Variants in PLEC observed in about 807,000 individuals in gnomAD.
The protein encoded by PLEC is plectin.
A neutral mutation model predicts 392.8 loss-of-function variants in PLEC; 216 were observed. That is an observed-to-expected ratio of 0.55 (90% CI 0.49 to 0.62). The LOEUF (loss-of-function observed/expected upper bound fraction) is 0.62, where lower values mean the gene tolerates loss of function less well. Among genes scored for constraint, PLEC ranks in the 20% least tolerant of loss-of-function variants. The pLI is 0.00. For synonymous variants in PLEC, 3,621 were observed against 2,980.6 expected (o/e 1.21, Z -7.00); for missense variants, 6,863 against 6,563.4 (o/e 1.05, Z -1.58).
At position 143,919,258 on chromosome 8, in the gene PLEC, G is replaced by C. The variant is rs782298591; in HGVS notation, c.10563C>G (p.Leu3521=). 8 of 1,614,054 alleles carry C rather than the reference G, an allele frequency of 5.0e-6. No homozygotes were observed. The South Asian group carries it at 8.8e-5, about 18-fold the overall frequency. The stretch of plus-strand genomic sequence containing the variant: ...ACCGCTCCAGCAGCTGCCTGTACGT[G>C]AGGTTCTCATGCGTGTTGGGGTCAA... ...GFFDPNTHEN[L]TYRQLLERCV... Residue 3521 remains leucine (L), a synonymous_variant, in exon 32 of 32, where the codon CTC becomes CTG. Coordinates refer to ENST00000345136, the MANE Select transcript of PLEC (RefSeq NM_201384.3).
In PLEC at chr8:143,939,483, C is replaced by T. The variant is rs781955956; in HGVS notation, c.-22G>A. The T allele has an allele frequency of 1.2e-6, 2 of 1,601,478 alleles. No homozygotes were observed. The highest frequency in any genetic ancestry group is 1.1e-5 in the South Asian group (1 of 89,208). ...ACATGCTGCCCCCACACCTTCGTCG[C>T]CCGGACCCTCGGCCTCAGGCACGGT... On this transcript the variant is annotated 5_prime_UTR_variant, in exon 1 of 32. Transcript: ENST00000345136.
At position 143,932,698 on chromosome 8, in the gene PLEC, G is replaced by C; in HGVS notation, c.1752C>G (p.Pro584=). The change falls in exon 15 of 32, where the codon CCC becomes CCG. Residue 584 remains proline, a synonymous_variant. Coordinates refer to ENST00000345136, the MANE Select transcript of PLEC (RefSeq NM_201384.3). ...AGTCACGGTAGGCACCCCGGGTGGC[G>C]GGGGAGAGCTGGCCCTGCAACAGAT... ...RARSDEGQLS[P]ATRGAYRDCL... is the part of the protein sequence containing the mutation. The C allele has an allele frequency of 2.5e-6, 4 of 1,606,976 alleles. No individual in the cohort carries two copies. Among genetic ancestry groups the C allele is most frequent in the Non-Finnish European group, 3.4e-6 (4 of 1,177,384 alleles).
At chr8:143,929,883 A>G in intron 22 of PLEC, 53 bp downstream of exon 22, 1 of 1,602,404 alleles carries the variant, frequency 6.2e-7, no homozygotes, top group Non-Finnish European at 8.5e-7. Flanking sequence ...GCCCTGCACA[A>G]CGCCTCTCCC....
At chr8:143,973,626 G>T, upstream of PLEC, 1 of 742,776 alleles carries the variant, frequency 1.3e-6, no homozygotes, top group Non-Finnish European at 1.6e-6. This position sits in a 1 kb window ranked among gnomAD's most constrained non-coding sequence, Gnocchi z 5.6. Context: ...GGCGGGGCCG[G>T]GGCCGCCGCG....
Position 143,921,012 on chromosome 8 carries a change from G to C in PLEC, c.8809C>G (p.Gln2937Glu). The change falls in exon 32 of 32, where the codon CAG becomes GAG. Residue 2937 changes from glutamine (Q) to glutamate (E), a missense_variant. Physicochemically the swap from Gln to Glu is conservative, Grantham distance 29 (BLOSUM62 2). Transcript: ENST00000345136. Reference sequence around the variant, plus strand: ...AACTGCCGCAGCAGGTCCCGCCGCTGCTCTGCCGTGAAGTATTCCGAGTTG... The same window carrying C: ...AACTGCCGCAGCAGGTCCCGCCGCTCCTCTGCCGTGAAGTATTCCGAGTTG... ...IINSEYFTAE[Q>E]RRDLLRQFRT... 1 of 1,613,184 alleles carries C rather than the reference G, an allele frequency of 6.2e-7. No homozygotes were observed. Among genetic ancestry groups the C allele is most frequent in the South Asian group, 1.1e-5 (1 of 91,090 alleles).
At chr8:143,950,907 G>A (rs1347903260), upstream of PLEC, 28 of 1,132,000 alleles carry the variant, frequency 2.5e-5, no homozygotes, top group South Asian at 9.9e-5. Context: ...GCCTGGCTCC[G>A]TGCAATCCCT....
rs1215402305 is a variant in PLEC at position 143,915,616 on chromosome 8, A to T, written c.*561T>A. The T allele has an allele frequency of 6.6e-6, 1 of 152,584 alleles. No individual in the cohort carries two copies. The highest frequency in any genetic ancestry group is 1.5e-5 in the Non-Finnish European group (1 of 68,250). The allele number at this position is 152,584 out of a possible 1,614,324, so 9.5% of individuals were successfully genotyped here. On this transcript the variant is annotated 3_prime_UTR_variant, in exon 32 of 32. Transcript: ENST00000345136. ...AGGCTGGAGGCTGACGCCGGAGGCCAGGGGTCTCAGGAGTGAGTGTGGGGG... is the reference window on the plus strand; with the variant it reads ...AGGCTGGAGGCTGACGCCGGAGGCCTGGGGTCTCAGGAGTGAGTGTGGGGG...
rs1554710147 is a variant in PLEC at position 143,929,100 on chromosome 8, C to T, written c.3260+3G>A. 6.4e-7 allele frequency: 1 copy of T among 1,569,124 alleles called. No homozygotes were observed. Among genetic ancestry groups the T allele is most frequent in the Non-Finnish European group, 8.6e-7 (1 of 1,157,612 alleles). On this transcript the variant is annotated splice_donor_region_variant and intron_variant, in intron 25 of 31. Coordinates refer to ENST00000345136, the MANE Select transcript of PLEC (RefSeq NM_201384.3). ...CCCCTCGCCTGTGGCCAGGTGCACT[C>T]ACTTCTCCAGGTAGATGGCAGACAG... is the stretch of plus-strand genomic sequence containing the variant.
rs533113908 is a variant in PLEC at position 143,916,008 on chromosome 8, A to G, written c.*169T>C. ...GGCTGGGCCAGCCCTGTCCCCCAAG[A>G]TACAGGCTGTCTGGACAGCAGATAT... On this transcript the variant is annotated 3_prime_UTR_variant, in exon 32 of 32. Transcript: ENST00000345136. 1 of 531,764 alleles carries G rather than the reference A, an allele frequency of 1.9e-6. No individual in the cohort carries two copies. The highest frequency in any genetic ancestry group is 2.6e-5 in the South Asian group (1 of 38,520). 32.9% of individuals were successfully genotyped at this position (531,764 alleles called of 1,614,324 possible).
chr8:143,928,105 C>T (rs1825895516), intron 25 of PLEC, 113 bp from the exon 26 acceptor site: 3 of 1,347,662 alleles, frequency 2.2e-6, no homozygotes, highest in African/African-American at 2.9e-5. Flanking sequence ...CAGACCCAAC[C>T]CTGGGGGTCA....
At chr8:143,944,041 G>C (rs1208488727), upstream of PLEC, 4 of 1,231,788 alleles carry the variant, frequency 3.2e-6, no homozygotes, top group Non-Finnish European at 4.4e-6. Context: ...ATACGCGGCG[G>C]CAGCCCCACA....
In PLEC at chr8:143,917,362, T is replaced by C; in HGVS notation, c.12459A>G (p.Ser4153=). 6.2e-7 allele frequency: 1 copy of C among 1,610,620 alleles called. No homozygotes were observed. The highest frequency in any genetic ancestry group is 8.5e-7 in the Non-Finnish European group (1 of 1,179,960). ...GGCCCTTGCGGTAGGCCTCGTACAC[T>C]GACATCTCCTTGCCCGTCTCGGGGT... The part of the protein sequence containing the change: ...IVDPETGKEM[S]VYEAYRKGLI... Residue 4153 remains serine (S), a synonymous_variant, in exon 32 of 32, where the codon TCA becomes TCG. Transcript: ENST00000345136.
In PLEC at chr8:143,919,163, T is replaced by G. The variant is rs782294949; in HGVS notation, c.10658A>C (p.Glu3553Ala). ...CTCCTCAGTGTACACCTGCGTGGTC[T>G]CCACCACCTCAGCCTTCTCCGCCCC... is the stretch of plus-strand genomic sequence containing the variant. The part of the protein sequence containing the change: ...LKGAEKAEVV[E>A]TTQVYTEEET... The change falls in exon 32 of 32, where the codon GAG (glutamate) becomes GCG (alanine). Residue 3553 changes from glutamate (E) to alanine (A), a missense_variant. Physicochemically the swap from Glu to Ala is moderately radical, Grantham distance 107 (BLOSUM62 -1). Transcript: ENST00000345136. 2.5e-6 allele frequency: 4 copies of G among 1,613,430 alleles called. No homozygotes were observed. In the African/African-American group the frequency reaches 5.3e-5, roughly 22 times the overall value.
At position 143,918,155 on chromosome 8, in the gene PLEC, C is replaced by T. The variant is rs1554674168; in HGVS notation, c.11666G>A (p.Arg3889Gln). The T allele has an allele frequency of 2.5e-6, 4 of 1,597,762 alleles. No individual in the cohort carries two copies. The highest frequency in any genetic ancestry group is 3.4e-6 in the Non-Finnish European group (4 of 1,178,744). The change falls in exon 32 of 32, where the codon CGG becomes CAG. Residue 3889 changes from arginine (R) to glutamine (Q), a missense_variant. Physicochemically the swap from Arg to Gln is conservative, Grantham distance 43. Coordinates refer to ENST00000345136, the MANE Select transcript of PLEC (RefSeq NM_201384.3). ...CAGCTCCTCCATGGTGATCTGCTTC[C>T]GCAGGCCACGGAAGGTCAGCTTGCG... ...DARKLTFRGL[R>Q]KQITMEELVR...
chr8:143,932,355 T>G, intron 16 of PLEC, 45 bp downstream of exon 16: 1 of 1,610,674 alleles, frequency 6.2e-7, no homozygotes, highest in Non-Finnish European at 8.5e-7. Flanking sequence ...AGGGCACAGC[T>G]GGGGAGGGGG....
intron 19 of PLEC, 60 bp from the exon 20 acceptor site, chr8:143,930,596 C>A (rs1210587138): frequency 3.9e-6 from 6 of 1,535,500 alleles, no homozygotes; most frequent in Non-Finnish European, 4.4e-6. Context: ...CTGCCCCAGG[C>A]ACCCCCAGAC....
rs373790491 is a variant in PLEC at position 143,918,334 on chromosome 8, G to A, written c.11487C>T (p.Leu3829=). 74 of 1,585,046 alleles carry A rather than the reference G, an allele frequency of 4.7e-5. No homozygotes were observed. Among genetic ancestry groups the A allele is most frequent in the Admixed American group, 6.9e-5 (4 of 57,606 alleles). Residue 3829 remains leucine, a synonymous_variant, in exon 32 of 32, where the codon CTC becomes CTT. Transcript: ENST00000345136. The part of the protein sequence containing the change: ...PLEVAYQRGY[L]NKDTHDQLSE... ...ACAGCTGGTCGTGCGTGTCCTTGTT[G>A]AGGTAGCCACGCTGGTAAGCCACCT...
chr8:143,934,737 G>A lies in PLEC; in HGVS notation c.946-7C>T, dbSNP rs782085476. ...GGAACTGAGACCACAGGATCTGCCA[G>A]GGACGAGGCTGTCGGCAACCACGCC... On this transcript the variant is annotated splice_polypyrimidine_tract_variant and splice_region_variant and intron_variant, in intron 9 of 31. Coordinates refer to ENST00000345136, the MANE Select transcript of PLEC (RefSeq NM_201384.3). 1.9e-5 allele frequency: 30 copies of A among 1,612,218 alleles called. 1 individual carries two copies. Among genetic ancestry groups the A allele is most frequent in the Admixed American group, 1.7e-4 (10 of 60,006 alleles).
chr8:143,923,918 C>G lies in PLEC; in HGVS notation c.6011G>C (p.Arg2004Pro). The change falls in exon 31 of 32, where the codon CGG (arginine) becomes CCG (proline). Residue 2004 changes from arginine (R) to proline (P), a missense_variant. By Grantham distance (103) the Arg-to-Pro change is moderately radical. Coordinates refer to ENST00000345136, the MANE Select transcript of PLEC (RefSeq NM_201384.3). ...LAAEEEAARQ[R>P]KAALEEVERL... ...CTCGACTTCCTCCAGCGCCGCCTTCCGCTGCCGTGCGGCCTCCTCCTCGGC... is the reference window on the plus strand; with the variant it reads ...CTCGACTTCCTCCAGCGCCGCCTTCGGCTGCCGTGCGGCCTCCTCCTCGGC... The G allele has an allele frequency of 7.5e-6, 12 of 1,594,976 alleles. No individual in the cohort carries two copies. The highest frequency in any genetic ancestry group is 9.3e-6 in the Non-Finnish European group (11 of 1,178,194).
Sources: gnomAD v4.1 joint callset for allele counts on GRCh38, gnomAD v4.1.1 for gene constraint, Gnocchi (gnomAD v3.1) non-coding constraint, MANE v1.5 for transcripts, NCBI Gene and HGNC (gene_info 2026-07-23, HGNC 2026-07-21) for gene names.